Variants in VSIG10 observed in about 807,000 individuals in gnomAD.
VSIG10 encodes V-set and immunoglobulin domain-containing protein 10.
Under a neutral mutation model 58.7 loss-of-function variants are expected in VSIG10, and 48 were observed. The ratio of observed to expected loss-of-function variants is 0.82; its 90% CI spans 0.65 to 1.04. The LOEUF (loss-of-function observed/expected upper bound fraction) is 1.04, where lower values mean the gene tolerates loss of function less well. Among genes scored for constraint, VSIG10 ranks in the 50% least tolerant of loss-of-function variants. The pLI is 0.00. For missense variants in VSIG10, 628 were observed against 670.0 expected, an observed-to-expected ratio of 0.94 and a Z score of 0.69; for synonymous variants, 260 against 267.1, an observed-to-expected ratio of 0.97 and a Z score of 0.26.
intron 4 of VSIG10, among the ~76,000 whole-genome samples, chr12:118,075,192 ATATG>A (rs1028790893): frequency 2.1e-5 from 3 of 145,562 alleles, no homozygotes; most frequent in African/African-American, 5.3e-5. Context: ...GTGTATATAT[ATATG>A]TGTGTGTGTG....
chr12:118,084,110 ACCCT>A (rs2033049395), intron 2 of VSIG10, among the ~76,000 whole-genome samples: 1 of 151,732 alleles, frequency 6.6e-6, no homozygotes, highest in Admixed American at 6.6e-5. Context: ...ACACAATGAG[ACCCT>A]CCCTATCTCA....
chr12:118,067,589 A>G (rs902961921), intron 8 of VSIG10, among the ~76,000 whole-genome samples: 1 of 150,892 alleles, frequency 6.6e-6, no homozygotes, highest in Non-Finnish European at 1.5e-5. Flanking sequence ...TTGGTCTCCC[A>G]AGTAGCTGGG....
intron 2 of VSIG10, among the ~76,000 whole-genome samples, chr12:118,089,460 A>G (rs2033229964): frequency 6.6e-6 from 1 of 152,216 alleles, no homozygotes; most frequent in Admixed American, 6.6e-5. Flanking sequence ...CCCACTGTGG[A>G]TAAAAGATAA....
intron 1 of VSIG10, chr12:118,103,237 A>C (rs891990450): frequency 2.5e-4 from 53 of 208,706 alleles, no homozygotes; most frequent in Admixed American, 3.7e-4. Context: ...ATCAGTTACT[A>C]CTAAAACCAG....
At position 118,064,378 on chromosome 12, in the gene VSIG10, G is replaced by A. The variant is rs2032177203; in HGVS notation, c.*2261C>T. ...CAACAGATGTGTGTGCTAGAGAAGA[G>A]GAAGTTGTGGAAAATATCCCAGTGA... On this transcript the variant is annotated 3_prime_UTR_variant, in exon 9 of 9. Coordinates refer to ENST00000359236, the MANE Select transcript of VSIG10 (RefSeq NM_019086.6). 2.0e-5 allele frequency: 3 copies of A among 151,614 alleles called. No homozygotes were observed. The highest frequency in any genetic ancestry group is 4.8e-5 in the African/African-American group (2 of 41,300). The allele number at this position is 151,614 out of a possible 1,614,324, so 9.4% of individuals were successfully genotyped here. A position where few individuals can be genotyped will look rare whatever the true frequency, so the allele number is the denominator to read the frequency against.
chr12:118,066,790 C>T (rs1251782423), intron 8 of VSIG10, 96 bp from the exon 9 acceptor site: 1 of 1,325,114 alleles, frequency 7.5e-7, no homozygotes, highest in African/African-American at 1.5e-5. Flanking sequence ...CTAGTCCTTT[C>T]CTGGTGAGCC....
At chr12:118,067,359 A>AT (rs1476740041) in intron 8 of VSIG10, among the ~76,000 whole-genome samples, 5 of 151,856 alleles carry the variant, frequency 3.3e-5, no homozygotes, top group African/African-American at 1.2e-4. Context: ...AATTAATCAA[A>AT]TATCTTCCTG....
intron 2 of VSIG10, among the ~76,000 whole-genome samples, chr12:118,088,697 G>C (rs1592882169): frequency 6.6e-6 from 1 of 152,138 alleles, no homozygotes; most frequent in Non-Finnish European, 1.5e-5. Context: ...GGAGTCTGCT[G>C]TTTAGCCCAG....
rs527442925 is a variant in VSIG10, at chr12:118,073,688, C to T, written c.1219+11G>A. 11 of 1,594,186 alleles carry T rather than the reference C, an allele frequency of 6.9e-6. No homozygotes were observed. In the African/African-American group the frequency reaches 8.0e-5, roughly 12 times the overall value. ...AACCCTCCCTCCTTCAGGCCCAGTTCCACCACTCACCTTTCACACTCAGCC... is the reference window on the plus strand; with the variant it reads ...AACCCTCCCTCCTTCAGGCCCAGTTTCACCACTCACCTTTCACACTCAGCC... On this transcript the variant is annotated intron_variant, in intron 5 of 8. Coordinates refer to ENST00000359236, the MANE Select transcript of VSIG10 (RefSeq NM_019086.6).
At chr12:118,095,293 G>C (rs2033415186) in intron 2 of VSIG10, among the ~76,000 whole-genome samples, 1 of 152,108 alleles carries the variant, frequency 6.6e-6, no homozygotes. Context: ...CGCCCGGCTT[G>C]GCCTGCCAAA....
At position 118,065,274 on chromosome 12, in the gene VSIG10, A is replaced by G. The variant is rs1421915544; in HGVS notation, c.*1365T>C. ...TCTTATCACCAGATACTCCGTTATTAAACGTGTCTCCTGCCTTCTTTGAAA... is the reference window on the plus strand; with the variant it reads ...TCTTATCACCAGATACTCCGTTATTGAACGTGTCTCCTGCCTTCTTTGAAA... On this transcript the variant is annotated 3_prime_UTR_variant, in exon 9 of 9. Coordinates refer to ENST00000359236, the MANE Select transcript of VSIG10 (RefSeq NM_019086.6). 1 of 152,262 alleles carries G rather than the reference A, an allele frequency of 6.6e-6. No individual in the cohort carries two copies. Among genetic ancestry groups the G allele is most frequent in the Non-Finnish European group, 1.5e-5 (1 of 68,046 alleles). 9.4% of individuals were successfully genotyped at this position (152,262 alleles called of 1,614,324 possible). A position where few individuals can be genotyped will look rare whatever the true frequency, so the allele number is the denominator to read the frequency against.
intron 1 of VSIG10, among the ~76,000 whole-genome samples, chr12:118,099,534 AG>A (rs1246932465): frequency 6.6e-6 from 1 of 152,216 alleles, no homozygotes; most frequent in African/African-American, 2.4e-5. Context: ...CATTTTGCTG[AG>A]AAGTTTCACA....
intron 4 of VSIG10, among the ~76,000 whole-genome samples, chr12:118,078,334 T>C (rs1039086065): frequency 3.3e-5 from 5 of 151,946 alleles, no homozygotes; most frequent in Admixed American, 2.6e-4. Context: ...AATTTTTGTA[T>C]TTTTAGTAGA....
chr12:118,080,927 T>C (rs1307961082), intron 3 of VSIG10, among the ~76,000 whole-genome samples: 1 of 152,032 alleles, frequency 6.6e-6, no homozygotes, highest in Non-Finnish European at 1.5e-5. Context: ...GATGACAAAA[T>C]GGTTATCTGG....
intron 2 of VSIG10, among the ~76,000 whole-genome samples, chr12:118,090,728 C>G (rs1216027929): frequency 1.3e-5 from 2 of 152,150 alleles, no homozygotes; most frequent in African/African-American, 4.8e-5. Flanking sequence ...TCATGACTTA[C>G]TGCAGTTTTG....
At chr12:118,082,066 G>C (rs1233250343) in intron 3 of VSIG10, 61 bp downstream of exon 3, 1 of 1,418,096 alleles carries the variant, frequency 7.1e-7, no homozygotes, top group Non-Finnish European at 9.7e-7. Context: ...CAAACGTGCA[G>C]TTCATAAGTT....
chr12:118,066,245 CAAAAAAAAAAAA>C lies in VSIG10; in HGVS notation c.*382_*393del, dbSNP rs35019751. The C allele has an allele frequency of 2.5e-4, 10 of 40,210 alleles. No individual in the cohort carries two copies. Among genetic ancestry groups the C allele is most frequent in the East Asian group, 2.4e-3 (2 of 834 alleles). The allele number at this position is 40,210 out of a possible 1,614,324, so 2.5% of individuals were successfully genotyped here. On this transcript the variant is annotated 3_prime_UTR_variant, in exon 9 of 9. Coordinates refer to ENST00000359236, the MANE Select transcript of VSIG10 (RefSeq NM_019086.6). ...TGGGCAATAGAGGGAGACTCCGTCT[CAAAAAAAAAAAA>C]AAAAAAAAAAAAAAGCGGCAAAAGG...
chr12:118,100,332 C>A (rs949421642), intron 1 of VSIG10, among the ~76,000 whole-genome samples: 2 of 151,548 alleles, frequency 1.3e-5, no homozygotes, highest in South Asian at 2.1e-4. Flanking sequence ...CCCGTTTCTA[C>A]TAAAAATACA....
In VSIG10 at chr12:118,064,413, A is replaced by G. The variant is rs904898817; in HGVS notation, c.*2226T>C. 9 of 151,026 alleles carry G rather than the reference A, an allele frequency of 6.0e-5. No individual in the cohort carries two copies. Among genetic ancestry groups the G allele is most frequent in the African/African-American group, 2.2e-4 (9 of 40,986 alleles). 9.4% of individuals were successfully genotyped at this position (151,026 alleles called of 1,614,324 possible). On this transcript the variant is annotated 3_prime_UTR_variant, in exon 9 of 9. Transcript: ENST00000359236. The stretch of plus-strand genomic sequence containing the variant: ...GAAAATATCCCAGTGATCCTACAAA[A>G]CATTCTCTGTGTTCCTAGCTAGGGT...
Sources: allele counts gnomAD v4.1 joint callset (sites outside exome capture counted in the v4.1 genomes callset), GRCh38; gene constraint gnomAD v4.1.1; transcripts MANE v1.5; gene names NCBI Gene and HGNC (gene_info 2026-07-23, HGNC 2026-07-21).